BBS9: variants seen among roughly 807,000 people sequenced by gnomAD.
The protein encoded by BBS9 is protein PTHB1.
In BBS9, 89 loss-of-function variants were observed where a neutral mutation model predicts 117.7. That is an observed-to-expected ratio of 0.76 (90% CI 0.64 to 0.90). The LOEUF (loss-of-function observed/expected upper bound fraction) is 0.90, where lower values mean the gene tolerates loss of function less well. BBS9 is among the 40% of genes least tolerant of loss of function. The probability of loss-of-function intolerance (pLI) is 0.00; values close to 1 mark genes in which losing one functional copy is unlikely to be tolerated. For missense variants in BBS9, 982 were observed against 1,042.2 expected (o/e 0.94, Z 0.80); for synonymous variants, 379 against 370.9 (o/e 1.02, Z -0.25).
chr7:33,228,480 C>T (rs1791711286), intron 5 of BBS9, among the ~76,000 whole-genome samples: 1 of 152,118 alleles, frequency 6.6e-6, no homozygotes. Flanking sequence ...ATAACTTTCT[C>T]TATACAGTTG....
At chr7:33,554,956 G>A (rs1855059568) in intron 21 of BBS9, among the ~76,000 whole-genome samples, 1 of 152,178 alleles carries the variant, frequency 6.6e-6, no homozygotes, top group East Asian at 1.9e-4. Flanking sequence ...AGCGAAGGGA[G>A]GATTTCCAAG....
chr7:33,550,390 T>C (rs1056087089), intron 21 of BBS9, among the ~76,000 whole-genome samples: 2 of 152,202 alleles, frequency 1.3e-5, no homozygotes, highest in Non-Finnish European at 2.9e-5. Context: ...AAGACTTATT[T>C]TATATTGCAT....
intron 4 of BBS9, among the ~76,000 whole-genome samples, chr7:33,167,312 CA>C (rs77974485): frequency 0.2 from 30,030 of 151,736 alleles, 3,131 homozygotes; most frequent in Non-Finnish European, 0.23. Flanking sequence ...AAAAATCTGA[CA>C]AAGTATTTTC....
intron 21 of BBS9, among the ~76,000 whole-genome samples, chr7:33,570,725 C>T (rs1257185375): frequency 6.6e-6 from 1 of 152,202 alleles, no homozygotes; most frequent in Admixed American, 6.5e-5. Context: ...ATATCAACAT[C>T]ATGTATCACA....
intron 9 of BBS9, among the ~76,000 whole-genome samples, chr7:33,304,753 A>G (rs1185301309): frequency 6.6e-6 from 1 of 152,098 alleles, no homozygotes; most frequent in Non-Finnish European, 1.5e-5. Context: ...GTGTAGAAAG[A>G]AGTAGACATA....
intron 20 of BBS9, among the ~76,000 whole-genome samples, chr7:33,518,104 CTT>C (rs1777476760): frequency 6.6e-6 from 1 of 152,040 alleles, no homozygotes; most frequent in Admixed American, 6.6e-5. Flanking sequence ...TCATGAATAA[CTT>C]TTATTTGACA....
intron 19 of BBS9, among the ~76,000 whole-genome samples, chr7:33,474,723 G>C (rs1841560502): frequency 6.6e-6 from 1 of 152,128 alleles, no homozygotes; most frequent in Non-Finnish European, 1.5e-5. Flanking sequence ...TGAGGCAGGT[G>C]GTTCACGAGG....
intron 21 of BBS9, among the ~76,000 whole-genome samples, chr7:33,567,352 G>T (rs994330631): frequency 6.6e-6 from 1 of 152,088 alleles, no homozygotes; most frequent in East Asian, 1.9e-4. Context: ...TTGCTATTTT[G>T]TTCTCCTACT....
At chr7:33,292,523 C>T (rs1804278510) in intron 9 of BBS9, among the ~76,000 whole-genome samples, 1 of 152,058 alleles carries the variant, frequency 6.6e-6, no homozygotes, top group Admixed American at 6.6e-5. Flanking sequence ...CACCGCACAC[C>T]ATCTATTTGT....
In BBS9 at chr7:33,405,314, T is replaced by A. The variant is rs578069239; in HGVS notation, c.2115+17170T>A. On this transcript the variant is annotated intron_variant, in intron 19 of 22. Transcript: ENST00000242067. ...ATTGGTCTAAAATTCTCTTTTTTGGTTGTGTCTCTGCCCGGCTTTGGTATC... is the reference window on the plus strand; with the variant it reads ...ATTGGTCTAAAATTCTCTTTTTTGGATGTGTCTCTGCCCGGCTTTGGTATC... 6.6e-5 allele frequency among the ~76,000 whole-genome samples: 10 copies of A among 152,228 alleles called. No individual in the cohort carries two copies. In the East Asian group the frequency reaches 1.9e-3, roughly 29 times the overall value.
At chr7:33,299,566 T>C (rs1295030505) in intron 9 of BBS9, among the ~76,000 whole-genome samples, 2 of 148,956 alleles carry the variant, frequency 1.3e-5, no homozygotes, top group South Asian at 2.1e-4. Context: ...TAATCAATAT[T>C]ATTATAATTT....
intron 17 of BBS9, among the ~76,000 whole-genome samples, chr7:33,381,147 G>A (rs555713746): frequency 1.3e-5 from 2 of 152,254 alleles, no homozygotes; most frequent in South Asian, 2.1e-4. Flanking sequence ...ATCATGTATT[G>A]TGCCCTTTGC....
In BBS9 at chr7:33,390,434, C is replaced by T. The variant is rs3779240; in HGVS notation, c.2115+2290C>T. The stretch of plus-strand genomic sequence containing the variant: ...CAAGACGATCAAAACCATGGCTTTT[C>T]ACTTGAATGTATATTGTTAAGTCCC... On this transcript the variant is annotated intron_variant, in intron 19 of 22. Coordinates refer to ENST00000242067, the MANE Select transcript of BBS9 (RefSeq NM_198428.3). 0.011 allele frequency: 10,705 copies of T among 984,086 alleles called. 429 individuals are homozygous for T. In the East Asian group the frequency reaches 0.26, roughly 24 times the overall value. The allele number at this position is 984,086 out of a possible 1,614,324, so 61.0% of individuals were successfully genotyped here. A position where few individuals can be genotyped will look rare whatever the true frequency, so the allele number is the denominator to read the frequency against.
chr7:33,156,272 G>A (rs1365743187), intron 4 of BBS9, among the ~76,000 whole-genome samples: 1 of 151,818 alleles, frequency 6.6e-6, no homozygotes, highest in Non-Finnish European at 1.5e-5. Context: ...TTTTATTTTG[G>A]CCTTTATTAA....
intron 4 of BBS9, among the ~76,000 whole-genome samples, chr7:33,165,897 C>T (rs190582532): frequency 0.01 from 1,561 of 152,240 alleles, 19 homozygotes; most frequent in South Asian, 0.012. Context: ...AGCTGCAATC[C>T]TTTGGAGGAG....
chr7:33,530,037 T>G (rs1850326439), intron 20 of BBS9, among the ~76,000 whole-genome samples: 1 of 152,238 alleles, frequency 6.6e-6, no homozygotes, highest in Non-Finnish European at 1.5e-5. Flanking sequence ...AGATTCTAGA[T>G]TCCACAGTTT....
In BBS9 at chr7:33,467,029, C is replaced by CTT. The variant is rs1211405573; in HGVS notation, c.2116-38433_2116-38432insTT. 7.9e-5 allele frequency among the ~76,000 whole-genome samples: 6 copies of CTT among 75,624 alleles called. No homozygotes were observed. The South Asian group carries it at 2.4e-3, about 30-fold the overall frequency. 49.6% of individuals were successfully genotyped at this position (75,624 alleles called of 152,430 possible). The stretch of plus-strand genomic sequence containing the variant: ...TCATTCATTCTCTCTCTCTCTCTCT[C>CTT]TCTTATGACAACCAAACTCCTTACT... On this transcript the variant is annotated intron_variant, in intron 19 of 22. Transcript: ENST00000242067.
rs1284498484 is a variant in BBS9 at position 33,256,151 on chromosome 7, CAAATAA to C, written c.443-1081_443-1076del. Among the ~76,000 whole-genome samples the C allele has an allele frequency of 2.6e-5, 4 of 151,690 alleles. No homozygotes were observed. The East Asian group carries it at 7.7e-4, about 29-fold the overall frequency. ...GTGGCAACAGAGTGAGACTCTGTCT[CAAATAA>C]AAACAAACAAAAAAAACAAACAAAA... On this transcript the variant is annotated intron_variant, in intron 5 of 22. Coordinates refer to ENST00000242067, the MANE Select transcript of BBS9 (RefSeq NM_198428.3).
intron 5 of BBS9, among the ~76,000 whole-genome samples, chr7:33,217,637 CTGAGA>C (rs1303281015): frequency 6.6e-6 from 1 of 152,174 alleles, no homozygotes; most frequent in Admixed American, 6.5e-5. Flanking sequence ...TCTAACCATG[CTGAGA>C]TAACACTAGC....
Sources: gnomAD v4.1 joint callset for allele counts (sites outside exome capture counted in the v4.1 genomes callset) on GRCh38, gnomAD v4.1.1 for gene constraint, MANE v1.5 for transcripts, NCBI Gene and HGNC (gene_info 2026-07-23, HGNC 2026-07-21) for gene names.